TDRD3: variants seen among roughly 807,000 people sequenced by gnomAD.
The protein encoded by TDRD3 is tudor domain containing 3, also known as tudor domain-containing protein 3.
In TDRD3, 45 loss-of-function variants were observed where a neutral mutation model predicts 86.7. The observed-to-expected ratio is 0.52, with a 90% CI of 0.41 to 0.67. TDRD3 has a LOEUF of 0.67. Among genes scored for constraint, TDRD3 ranks in the 30% least tolerant of loss-of-function variants. The pLI, the probability that TDRD3 is intolerant of heterozygous loss-of-function variation, is 0.00. For synonymous variants in TDRD3, 298 were observed against 301.7 expected, an observed-to-expected ratio of 0.99 and a Z score of 0.13; for missense variants, 814 against 889.0, an observed-to-expected ratio of 0.92 and a Z score of 1.07.
intron 12 of TDRD3, among the ~76,000 whole-genome samples, chr13:60,559,662 C>G (rs1401219812): frequency 6.6e-6 from 1 of 152,122 alleles, no homozygotes; most frequent in African/African-American, 2.4e-5. Context: ...ACTACATGAT[C>G]TTACTTATAT....
chr13:60,528,220 A>C (rs1957492457), intron 10 of TDRD3, 147 bp from the exon 11 acceptor site: 1 of 867,372 alleles, frequency 1.2e-6, no homozygotes, highest in Non-Finnish European at 1.6e-6. Flanking sequence ...GAAGCAAAGA[A>C]GGAGTAAGAT....
At chr13:60,521,928 A>T (rs1412197813) in intron 10 of TDRD3, among the ~76,000 whole-genome samples, 1 of 152,168 alleles carries the variant, frequency 6.6e-6, no homozygotes, top group Non-Finnish European at 1.5e-5. Flanking sequence ...GAATTATATA[A>T]AAAAGAGTAA....
At chr13:60,446,663 A>G (rs1363105598) in intron 3 of TDRD3, among the ~76,000 whole-genome samples, 1 of 152,194 alleles carries the variant, frequency 6.6e-6, no homozygotes, top group Non-Finnish European at 1.5e-5. Flanking sequence ...GCACACAGAA[A>G]TTACTCATTT....
chr13:60,430,742 T>A (rs543553190), intron 1 of TDRD3, among the ~76,000 whole-genome samples: 5 of 152,206 alleles, frequency 3.3e-5, no homozygotes, highest in African/African-American at 9.6e-5. Flanking sequence ...ACAATTTTTT[T>A]AATACCAAAT....
intron 8 of TDRD3, among the ~76,000 whole-genome samples, chr13:60,506,753 A>G (rs1956947573): frequency 6.6e-6 from 1 of 152,082 alleles, no homozygotes; most frequent in Admixed American, 6.6e-5. Flanking sequence ...TGAAACAAAC[A>G]AACAAAAAAA....
At chr13:60,464,328 A>C (rs541532922) in intron 4 of TDRD3, among the ~76,000 whole-genome samples, 1 of 152,208 alleles carries the variant, frequency 6.6e-6, no homozygotes, top group Non-Finnish European at 1.5e-5. Context: ...TGCAACCACC[A>C]TGGAAAACGG....
intron 10 of TDRD3, among the ~76,000 whole-genome samples, chr13:60,525,043 C>A (rs1158887173): frequency 3.1e-5 from 4 of 127,896 alleles, no homozygotes; most frequent in African/African-American, 8.8e-5. Context: ...GCCAAGATCA[C>A]GCCACTGTAC....
rs560496443 is a variant in TDRD3, at chr13:60,442,539, A to G, written c.127-2144A>G. On this transcript the variant is annotated intron_variant, in intron 2 of 13. Coordinates refer to ENST00000377881, the MANE Select transcript of TDRD3 (RefSeq NM_001146070.2). ...CTTGGACCCAGTCATCGTCCTAGCA[A>G]TCCTGATACAATGGCATCTGAATAA... Among the ~76,000 whole-genome samples, 18 of 152,224 alleles carry G rather than the reference A, an allele frequency of 1.2e-4. 1 individual carries two copies. Among genetic ancestry groups the G allele is most frequent in the African/African-American group, 4.1e-4 (17 of 41,562 alleles).
intron 4 of TDRD3, among the ~76,000 whole-genome samples, chr13:60,464,680 G>A (rs1459112819): frequency 6.6e-6 from 1 of 152,092 alleles, no homozygotes; most frequent in East Asian, 1.9e-4. Context: ...GGAGAGCATT[G>A]TATTAAGTGA....
intron 3 of TDRD3, among the ~76,000 whole-genome samples, chr13:60,445,715 G>GATA (rs1238496877): frequency 2.0e-5 from 3 of 152,150 alleles, no homozygotes; most frequent in African/African-American, 7.2e-5. Context: ...AGAAAAGTAG[G>GATA]CAACAATCTT....
At chr13:60,530,447 AT>A (rs143824554) in intron 11 of TDRD3, among the ~76,000 whole-genome samples, 22,328 of 149,840 alleles carry the variant, frequency 0.15, 2,068 homozygotes, top group South Asian at 0.28. Context: ...ATTTTAAATA[AT>A]TTTTTTTTTG....
chr13:60,564,130 A>T (rs528706996), intron 12 of TDRD3, among the ~76,000 whole-genome samples: 29 of 152,278 alleles, frequency 1.9e-4, no homozygotes, highest in Non-Finnish European at 3.4e-4. Context: ...GTTTTATAAA[A>T]CCTATCTGAT....
At chr13:60,548,147 G>A (rs9528158) in intron 12 of TDRD3, among the ~76,000 whole-genome samples, 70,671 of 151,956 alleles carry the variant, frequency 0.47, 16,812 homozygotes, top group South Asian at 0.55. Flanking sequence ...TATAGTAGAG[G>A]GAAGACATAA....
At chr13:60,471,087 T>A (rs1323801967) in intron 5 of TDRD3, among the ~76,000 whole-genome samples, 1 of 152,194 alleles carries the variant, frequency 6.6e-6, no homozygotes, top group Non-Finnish European at 1.5e-5. Context: ...ATAATATGTT[T>A]TGCAAATATT....
intron 1 of TDRD3, among the ~76,000 whole-genome samples, chr13:60,432,810 A>T (rs1181690420): frequency 6.6e-6 from 1 of 151,924 alleles, no homozygotes; most frequent in Non-Finnish European, 1.5e-5. Context: ...GGTAATTGGG[A>T]ATTAGTTATC....
chr13:60,526,988 C>T (rs1372291403), intron 10 of TDRD3, among the ~76,000 whole-genome samples: 3 of 152,030 alleles, frequency 2.0e-5, no homozygotes, highest in African/African-American at 7.2e-5. Context: ...GTGTGCACCA[C>T]CACACCCAGC....
intron 12 of TDRD3, among the ~76,000 whole-genome samples, chr13:60,541,201 C>T (rs1957803071): frequency 6.6e-6 from 1 of 151,262 alleles, no homozygotes; most frequent in South Asian, 2.1e-4. Flanking sequence ...GAGCCTTGCT[C>T]TTGTCACCCA....
chr13:60,418,741 C>G (rs1408194789), intron 1 of TDRD3, among the ~76,000 whole-genome samples: 1 of 152,154 alleles, frequency 6.6e-6, no homozygotes, highest in African/African-American at 2.4e-5. Context: ...TGCTCTGTTC[C>G]TTCTGTGCCC....
intron 10 of TDRD3, among the ~76,000 whole-genome samples, chr13:60,520,565 A>G (rs1387290554): frequency 1.3e-5 from 2 of 152,046 alleles, no homozygotes; most frequent in East Asian, 1.9e-4. Context: ...TAGTTTTTTC[A>G]TAAGTTGATT....
Sources: allele counts gnomAD v4.1 joint callset (sites outside exome capture counted in the v4.1 genomes callset), GRCh38; gene constraint gnomAD v4.1.1; transcripts MANE v1.5; gene names NCBI Gene and HGNC (gene_info 2026-07-23, HGNC 2026-07-21).